Variants in FBXL4 observed in about 807,000 individuals in gnomAD.
FBXL4 encodes the protein F-box and leucine rich repeat protein 4, also known as F-box/LRR-repeat protein 4.
Under a neutral mutation model 58.9 loss-of-function variants are expected in FBXL4, and 40 were observed. That is an observed-to-expected ratio of 0.68 (90% confidence interval 0.53 to 0.88). FBXL4 has a LOEUF of 0.88. Among genes scored for constraint, FBXL4 ranks in the 40% least tolerant of loss-of-function variants. The pLI, the probability that FBXL4 is intolerant of heterozygous loss-of-function variation, is 0.00. For missense variants in FBXL4, 676 were observed against 734.4 expected, an observed-to-expected ratio of 0.92 and a Z score of 0.92; for synonymous variants, 263 against 265.5, an observed-to-expected ratio of 0.99 and a Z score of 0.09.
intron 7 of FBXL4, among the ~76,000 whole-genome samples, chr6:98,882,091 A>C (rs1171915783): frequency 1.2e-4 from 19 of 152,158 alleles, no homozygotes; most frequent in Admixed American, 1.2e-3. Context: ...CATAGAGATA[A>C]ATACACACAT....
chr6:98,900,547 C>G (rs1483664036), intron 6 of FBXL4, among the ~76,000 whole-genome samples: 1 of 152,170 alleles, frequency 6.6e-6, no homozygotes, highest in African/African-American at 2.4e-5. Context: ...CTACTCAAGT[C>G]TTAGCATTTC....
intron 5 of FBXL4, among the ~76,000 whole-genome samples, chr6:98,913,914 C>G (rs571533534): frequency 1.3e-5 from 2 of 150,086 alleles, no homozygotes; most frequent in Admixed American, 6.7e-5. Flanking sequence ...ATTGATAAAC[C>G]GCTACAAGAC....
At position 98,896,757 on chromosome 6, in the gene FBXL4, A is replaced by C. The variant is rs1268924451; in HGVS notation, c.1317+2511T>G. 9 of 933,862 alleles carry C rather than the reference A, an allele frequency of 9.6e-6. No homozygotes were observed. In the South Asian group the frequency reaches 4.0e-4, roughly 41 times the overall value. 57.8% of individuals were successfully genotyped at this position (933,862 alleles called of 1,614,324 possible). On this transcript the variant is annotated intron_variant, in intron 7 of 9. Transcript: ENST00000369244. Reference sequence around the variant, plus strand: ...GAGGGTACAACCTAAATTTTATTTAATATATTCATACAATGATTTTACATC... The same window carrying C: ...GAGGGTACAACCTAAATTTTATTTACTATATTCATACAATGATTTTACATC...
rs910826339 is a variant in FBXL4 at position 98,872,569 on chromosome 6, A to T, written c.*1709T>A. ...AAAATTGTTCTAAATTATTGTTTTGAATTTTGTCAATAAAATTTTCGTGCA... is the reference window on the plus strand; with the variant it reads ...AAAATTGTTCTAAATTATTGTTTTGTATTTTGTCAATAAAATTTTCGTGCA... On this transcript the variant is annotated 3_prime_UTR_variant, in exon 10 of 10. Coordinates refer to ENST00000369244, the MANE Select transcript of FBXL4 (RefSeq NM_001278716.2). 2 of 152,118 alleles carry T rather than the reference A, an allele frequency of 1.3e-5. No homozygotes were observed. Among genetic ancestry groups the T allele is most frequent in the Non-Finnish European group, 2.9e-5 (2 of 68,008 alleles). The allele number at this position is 152,118 out of a possible 1,614,324, so 9.4% of individuals were successfully genotyped here. A position where few individuals can be genotyped will look rare whatever the true frequency, so the allele number is the denominator to read the frequency against.
intron 6 of FBXL4, among the ~76,000 whole-genome samples, chr6:98,899,816 A>G (rs146326636): frequency 9.4e-4 from 143 of 152,314 alleles, no homozygotes; most frequent in African/African-American, 3.4e-3. Context: ...ACAAAAAAAA[A>G]CAGCAAAACA....
intron 4 of FBXL4, among the ~76,000 whole-genome samples, chr6:98,919,126 A>T (rs1772483254): frequency 1.3e-5 from 2 of 151,070 alleles, no homozygotes; most frequent in Non-Finnish European, 2.9e-5. Flanking sequence ...AGGTACTCCT[A>T]CTGTTTTTAG....
In FBXL4 at chr6:98,905,413, G is replaced by T. The variant is rs182076681; in HGVS notation, c.1103+13C>A. 4 of 1,612,506 alleles carry T rather than the reference G, an allele frequency of 2.5e-6. No individual in the cohort carries two copies. Among genetic ancestry groups the T allele is most frequent in the Admixed American group, 3.3e-5 (2 of 59,956 alleles). On this transcript the variant is annotated intron_variant, in intron 6 of 9. Transcript: ENST00000369244. ...TGGGGGGGAAAAAAACTTCATCAAGGCTTTGTACTAACCTGCTAAATCCTG... is the reference window on the plus strand; with the variant it reads ...TGGGGGGGAAAAAAACTTCATCAAGTCTTTGTACTAACCTGCTAAATCCTG...
At chr6:98,938,786 T>C (rs1773319040) in intron 1 of FBXL4, among the ~76,000 whole-genome samples, 1 of 151,850 alleles carries the variant, frequency 6.6e-6, no homozygotes, top group Non-Finnish European at 1.5e-5. Flanking sequence ...TTGTCTGCAT[T>C]CAAAACCTGA....
At chr6:98,911,746 A>C (rs868498383) in intron 5 of FBXL4, among the ~76,000 whole-genome samples, 80 of 152,268 alleles carry the variant, frequency 5.3e-4, no homozygotes, top group African/African-American at 1.8e-3. Context: ...GAGCAGAAAA[A>C]CTGGAAACTC....
chr6:98,922,758 AT>A (rs1367708011), intron 4 of FBXL4, among the ~76,000 whole-genome samples: 2 of 152,018 alleles, frequency 1.3e-5, no homozygotes, highest in African/African-American at 4.8e-5. Context: ...TCACTGGTTA[AT>A]TTTTTTTGAA....
In FBXL4 at chr6:98,870,399, T is replaced by C. The variant is rs772980139; in HGVS notation, c.*3879A>G. On this transcript the variant is annotated 3_prime_UTR_variant, in exon 10 of 10. Transcript: ENST00000369244. ...ACATCAAAATTATGTAAAATTCAAC[T>C]TTCAGTGCTCATGAAATTTTATTGG... 2 of 152,244 alleles carry C rather than the reference T, an allele frequency of 1.3e-5. No individual in the cohort carries two copies. The highest frequency in any genetic ancestry group is 2.4e-5 in the African/African-American group (1 of 41,466). 9.4% of individuals were successfully genotyped at this position (152,244 alleles called of 1,614,324 possible).
chr6:98,874,876 GA>G (rs1291159323), intron 9 of FBXL4, among the ~76,000 whole-genome samples: 1 of 152,196 alleles, frequency 6.6e-6, no homozygotes, highest in African/African-American at 2.4e-5. Flanking sequence ...CTAAAAGTAA[GA>G]AGCAACAAAA....
chr6:98,868,573 C>T lies in FBXL4; in HGVS notation c.*5705G>A, dbSNP rs1438914009. 6.6e-6 allele frequency: 1 copy of T among 151,890 alleles called. No homozygotes were observed. Among genetic ancestry groups the T allele is most frequent in the Non-Finnish European group, 1.5e-5 (1 of 67,992 alleles). 9.4% of individuals were successfully genotyped at this position (151,890 alleles called of 1,614,324 possible). On this transcript the variant is annotated 3_prime_UTR_variant, in exon 10 of 10. Transcript: ENST00000369244. ...AAACTTATTTTATTACTCTAAAGTA[C>T]AGAATACAAACAACAGAAATCATTA...
In FBXL4 at chr6:98,876,547, C is replaced by T. The variant is rs191320458; in HGVS notation, c.1390-820G>A. Among the ~76,000 whole-genome samples, 30 of 152,232 alleles carry T rather than the reference C, an allele frequency of 2.0e-4. 1 individual carries two copies. Among genetic ancestry groups the T allele is most frequent in the Admixed American group, 1.6e-3 (24 of 15,276 alleles). ...TAATTGTATTTTCAACAAACATCTA[C>T]GCACCACTCCAGATGCTAGGACCAG... On this transcript the variant is annotated intron_variant, in intron 8 of 9. Transcript: ENST00000369244.
chr6:98,923,961 CT>C (rs1772681197), intron 4 of FBXL4, among the ~76,000 whole-genome samples: 1 of 151,708 alleles, frequency 6.6e-6, no homozygotes, highest in East Asian at 1.9e-4. Flanking sequence ...TATTGGTCAC[CT>C]TTTTTTCTCT....
intron 5 of FBXL4, among the ~76,000 whole-genome samples, chr6:98,912,776 C>G (rs1386871119): frequency 6.6e-6 from 1 of 151,594 alleles, no homozygotes; most frequent in East Asian, 1.9e-4. Flanking sequence ...AACTAACGAG[C>G]AACATAACCA....
chr6:98,884,421 T>C (rs1277858990), intron 7 of FBXL4, among the ~76,000 whole-genome samples: 1 of 152,112 alleles, frequency 6.6e-6, no homozygotes, highest in Non-Finnish European at 1.5e-5. Context: ...AAAATAAATT[T>C]TATTGTGCAT....
At chr6:98,936,979 G>C (rs1476206503) in intron 1 of FBXL4, among the ~76,000 whole-genome samples, 1 of 152,136 alleles carries the variant, frequency 6.6e-6, no homozygotes, top group Non-Finnish European at 1.5e-5. Flanking sequence ...CTTGAACAAT[G>C]TATGGGATTG....
At chr6:98,911,030 C>T (rs1231211943) in intron 5 of FBXL4, among the ~76,000 whole-genome samples, 3 of 130,656 alleles carry the variant, frequency 2.3e-5, no homozygotes, top group East Asian at 1.9e-4. Flanking sequence ...GATTATATCC[C>T]GCACCTGGCT....
Sources: allele counts gnomAD v4.1 joint callset (sites outside exome capture counted in the v4.1 genomes callset), GRCh38; gene constraint gnomAD v4.1.1; transcripts MANE v1.5; gene names NCBI Gene and HGNC (gene_info 2026-07-23, HGNC 2026-07-21).